Variants in RABL3 observed in about 807,000 individuals in gnomAD.
RABL3 encodes RAB, member of RAS oncogene family like 3, also known as rab-like protein 3.
RABL3 carries 31 observed loss-of-function variants against 31.8 expected under a neutral mutation model. The observed-to-expected ratio is 0.97, with a 90% CI of 0.73 to 1.31. The LOEUF (loss-of-function observed/expected upper bound fraction) is 1.31. Among genes scored for constraint, RABL3 ranks in the 40% most tolerant of loss-of-function variants. RABL3 has a pLI of 0.00. For missense variants in RABL3, 263 were observed against 279.6 expected, an observed-to-expected ratio of 0.94 and a Z score of 0.42; for synonymous variants, 97 against 99.9, an observed-to-expected ratio of 0.97 and a Z score of 0.18.
At chr3:120,719,397 G>T (rs543943787) in intron 2 of RABL3, among the ~76,000 whole-genome samples, 2 of 152,220 alleles carry the variant, frequency 1.3e-5, no homozygotes, top group Non-Finnish European at 2.9e-5. Flanking sequence ...GAAGCAAGGC[G>T]AGGCATCGCC....
chr3:120,738,142 G>A (rs1576350692), intron 1 of RABL3, among the ~76,000 whole-genome samples: 2 of 152,296 alleles, frequency 1.3e-5, no homozygotes, highest in South Asian at 2.1e-4. Flanking sequence ...CTTGAGCTGC[G>A]GTGGGCTCCA....
At chr3:120,730,016 T>C (rs1240577161) in intron 2 of RABL3, among the ~76,000 whole-genome samples, 1 of 151,542 alleles carries the variant, frequency 6.6e-6, no homozygotes, top group Non-Finnish European at 1.5e-5. Flanking sequence ...GAAATTACAT[T>C]AAAAAGAAAT....
Position 120,705,526 on chromosome 3 carries a change from G to A in RABL3, c.383+474C>T, listed in dbSNP as rs564459179. Among the ~76,000 whole-genome samples the A allele has an allele frequency of 1.3e-5, 2 of 152,238 alleles. 1 individual carries two copies. Among genetic ancestry groups the A allele is most frequent in the African/African-American group, 4.8e-5 (2 of 41,536 alleles). On this transcript the variant is annotated intron_variant, in intron 4 of 7. Transcript: ENST00000273375. ...ACTGATTTTTGGCAAAGGAGCAAAA[G>A]CAATTCAATGGAGAAAGGATATCTT...
chr3:120,720,001 A>G (rs1373681777), intron 2 of RABL3, among the ~76,000 whole-genome samples: 1 of 152,036 alleles, frequency 6.6e-6, no homozygotes, highest in Non-Finnish European at 1.5e-5. Flanking sequence ...CAGAGGAACA[A>G]TCAGGCAGCA....
intron 2 of RABL3, among the ~76,000 whole-genome samples, chr3:120,717,284 A>AAAAAAAAAAACAAC (rs1708682628): frequency 2.3e-5 from 1 of 44,120 alleles, no homozygotes; most frequent in Non-Finnish European, 8.3e-5. Flanking sequence ...AAAAAACAAC[A>AAAAAAAAAAACAAC]AAAAAAAAAA....
intron 2 of RABL3, among the ~76,000 whole-genome samples, chr3:120,715,244 A>C (rs1244995352): frequency 6.6e-6 from 1 of 152,176 alleles, no homozygotes; most frequent in African/African-American, 2.4e-5. Flanking sequence ...CAGCCATAGA[A>C]ATGCCCAATA....
At chr3:120,712,545 C>T (rs183100242) in intron 2 of RABL3, among the ~76,000 whole-genome samples, 24 of 152,198 alleles carry the variant, frequency 1.6e-4, no homozygotes, top group African/African-American at 5.8e-4. Context: ...ATCCTACCTT[C>T]CTTCTGGGCC....
intron 1 of RABL3, among the ~76,000 whole-genome samples, chr3:120,738,068 T>G (rs1045059531): frequency 1.3e-5 from 2 of 152,196 alleles, no homozygotes; most frequent in Non-Finnish European, 2.9e-5. Flanking sequence ...GACATTTAAG[T>G]CTGCAGAGGT....
chr3:120,740,038 A>C (rs773807554), intron 1 of RABL3, among the ~76,000 whole-genome samples: 30 of 152,326 alleles, frequency 2.0e-4, no homozygotes, highest in Admixed American at 7.8e-4. Flanking sequence ...CACCTTTAGA[A>C]CTAAATTTGA....
At chr3:120,716,077 T>C (rs1708664899) in intron 2 of RABL3, among the ~76,000 whole-genome samples, 1 of 152,238 alleles carries the variant, frequency 6.6e-6, no homozygotes, top group Non-Finnish European at 1.5e-5. Context: ...TGTACATTGT[T>C]AGGCTGTCCA....
chr3:120,691,312 G>A (rs1016091725), intron 6 of RABL3, among the ~76,000 whole-genome samples: 10 of 152,208 alleles, frequency 6.6e-5, no homozygotes, highest in African/African-American at 9.6e-5. Context: ...AATGGTTACA[G>A]AGGAAGTATT....
At chr3:120,734,017 T>C (rs572656745) in intron 1 of RABL3, among the ~76,000 whole-genome samples, 6 of 152,230 alleles carry the variant, frequency 3.9e-5, no homozygotes, top group African/African-American at 1.4e-4. Flanking sequence ...TAGCTTAGGA[T>C]TGTCTTCGAA....
chr3:120,732,040 C>CA (rs1708889695), intron 1 of RABL3, among the ~76,000 whole-genome samples: 1 of 152,070 alleles, frequency 6.6e-6, no homozygotes, highest in African/African-American at 2.4e-5. Context: ...GCCTGGGTGA[C>CA]AGAGCGAGAC....
chr3:120,702,891 T>C (rs574826099), intron 4 of RABL3, among the ~76,000 whole-genome samples: 2 of 152,248 alleles, frequency 1.3e-5, no homozygotes, highest in East Asian at 3.9e-4. Context: ...TGGAACTGTA[T>C]CTCAAGACAG....
At chr3:120,696,159 T>C (rs1281929451) in intron 5 of RABL3, among the ~76,000 whole-genome samples, 3 of 152,226 alleles carry the variant, frequency 2.0e-5, no homozygotes, top group African/African-American at 7.2e-5. Context: ...GGTTCACCTA[T>C]TTATAATTTA....
intron 2 of RABL3, among the ~76,000 whole-genome samples, chr3:120,721,687 A>G (rs1471574633): frequency 6.6e-6 from 1 of 152,224 alleles, no homozygotes; most frequent in African/African-American, 2.4e-5. Context: ...GCAAGTCCTT[A>G]GAGACCTACA....
intron 1 of RABL3, among the ~76,000 whole-genome samples, chr3:120,731,050 G>C (rs545440568): frequency 6.6e-6 from 1 of 152,216 alleles, no homozygotes; most frequent in African/African-American, 2.4e-5. Context: ...TAGCGGGTCT[G>C]TCTTGGGGCC....
At chr3:120,722,065 T>C (rs893524892) in intron 2 of RABL3, 14 of 152,278 alleles carry the variant, frequency 9.2e-5, no homozygotes, top group African/African-American at 3.4e-4. Flanking sequence ...CACAGCACAT[T>C]CTCAGCTTAT....
At chr3:120,730,539 T>C (rs769770588) in intron 2 of RABL3, among the ~76,000 whole-genome samples, 157 bp downstream of exon 2, 3 of 152,184 alleles carry the variant, frequency 2.0e-5, no homozygotes, top group Non-Finnish European at 4.4e-5. Flanking sequence ...AGAAGGGACA[T>C]GTAAAGCAAC....
Sources: allele counts gnomAD v4.1 joint callset (sites outside exome capture counted in the v4.1 genomes callset), GRCh38; gene constraint gnomAD v4.1.1; transcripts MANE v1.5; gene names NCBI Gene and HGNC (gene_info 2026-07-23, HGNC 2026-07-21).